Variants in C1QTNF1 observed in about 807,000 individuals in gnomAD.
The protein encoded by C1QTNF1 is C1q and TNF related 1.
C1QTNF1 carries 22 observed loss-of-function variants against 27.8 expected under a neutral mutation model. That is an observed-to-expected ratio of 0.79 (90% CI 0.56 to 1.13). C1QTNF1 has a LOEUF of 1.13. Among genes scored for constraint, C1QTNF1 ranks in the 50% most tolerant of loss-of-function variants. C1QTNF1 has a pLI of 0.00. For synonymous variants in C1QTNF1, 166 were observed against 154.3 expected (o/e 1.08, Z -0.56); for missense variants, 373 against 380.2 (o/e 0.98, Z 0.16).
rs1442987414 is a variant in C1QTNF1 at position 79,048,407 on chromosome 17, G to C, written c.*319G>C. On this transcript the variant is annotated 3_prime_UTR_variant, in exon 4 of 4. Transcript: ENST00000579760. ...AGGGCGTCCCAGGGTGCGGCACCGC[G>C]GCTCCAGTCCTTGGAAATAATTAGG... 1.3e-5 allele frequency: 4 copies of C among 308,358 alleles called. No individual in the cohort carries two copies. Among genetic ancestry groups the C allele is most frequent in the Non-Finnish European group, 2.4e-5 (4 of 168,524 alleles). 19.1% of individuals were successfully genotyped at this position (308,358 alleles called of 1,614,324 possible). A position where few individuals can be genotyped will look rare whatever the true frequency, so the allele number is the denominator to read the frequency against.
intron 1 of C1QTNF1, among the ~76,000 whole-genome samples, chr17:79,031,928 A>G (rs1235867177): frequency 6.6e-6 from 1 of 152,212 alleles, no homozygotes; most frequent in African/African-American, 2.4e-5. Context: ...TGTACCTTGG[A>G]TCTCTGTGTC....
chr17:79,042,194 G>C (rs1568068067), intron 1 of C1QTNF1, among the ~76,000 whole-genome samples: 1 of 152,254 alleles, frequency 6.6e-6, no homozygotes, highest in Non-Finnish European at 1.5e-5. Flanking sequence ...CACAGTCGCT[G>C]TGCCCCTCGG....
rs757609078 is a variant in C1QTNF1, at chr17:79,047,690, G to A, written c.448G>A (p.Val150Met). ...RCKSHYAAFS[V>M]GRKKPMHSNH... ...CAAGAGCCACTACGCCGCCTTTTCGGTGGGCCGGAAGAAGCCCATGCACAG... is the reference window on the plus strand; with the variant it reads ...CAAGAGCCACTACGCCGCCTTTTCGATGGGCCGGAAGAAGCCCATGCACAG... Residue 150 changes from valine (V) to methionine (M), a missense_variant, in exon 4 of 4, where the codon GTG becomes ATG. Val to Met is a conservative substitution (Grantham distance 21, BLOSUM62 1). Transcript: ENST00000579760. The A allele has an allele frequency of 3.1e-6, 5 of 1,614,004 alleles. No homozygotes were observed. Among genetic ancestry groups the A allele is most frequent in the Non-Finnish European group, 4.2e-6 (5 of 1,180,006 alleles).
Position 79,047,920 on chromosome 17 carries a change from C to A in C1QTNF1, c.678C>A (p.Gly226=). Residue 226 remains glycine, a synonymous_variant, in exon 4 of 4, where the codon GGC becomes GGA. Transcript: ENST00000579760. The part of the protein sequence containing the change: ...EEVVILFAQV[G]DRSIMQSQSL... ...TGGTGATCTTGTTCGCGCAGGTGGG[C>A]GACCGCAGCATCATGCAAAGCCAGA... 1.2e-6 allele frequency: 2 copies of A among 1,613,996 alleles called. No individual in the cohort carries two copies. The highest frequency in any genetic ancestry group is 2.2e-5 in the East Asian group (1 of 44,866).
intron 1 of C1QTNF1, among the ~76,000 whole-genome samples, chr17:79,033,937 G>C (rs544360488): frequency 6.6e-6 from 1 of 152,172 alleles, no homozygotes; most frequent in Non-Finnish European, 1.5e-5. Context: ...GTGGGTGATC[G>C]TAGCCAAGCA....
chr17:79,043,045 T>C (rs2072456499), intron 1 of C1QTNF1, among the ~76,000 whole-genome samples: 1 of 151,854 alleles, frequency 6.6e-6, no homozygotes, highest in African/African-American at 2.4e-5. Flanking sequence ...TATGAATGTG[T>C]GTGCATGTGT....
In C1QTNF1 at chr17:79,046,660, C is replaced by A; in HGVS notation, c.261C>A (p.Thr87=). ...CCGGTACCTCCATGTACCCGGCGAC[C>A]GCCGTGCCCCAGATCAACATCACTA... ...CDPGTSMYPA[T]AVPQINITIL... Residue 87 remains threonine (T), a synonymous_variant, in exon 3 of 4, where the codon ACC becomes ACA. Coordinates refer to ENST00000579760, the MANE Select transcript of C1QTNF1 (RefSeq NM_030968.5). This position sits in a 1 kb window ranked among gnomAD's most constrained non-coding sequence, Gnocchi z 4.8. 1 of 1,614,212 alleles carries A rather than the reference C, an allele frequency of 6.2e-7. No individual in the cohort carries two copies. Among genetic ancestry groups the A allele is most frequent in the African/African-American group, 1.3e-5 (1 of 75,066 alleles).
At chr17:79,026,868 C>T (rs1351570216) in intron 1 of C1QTNF1, among the ~76,000 whole-genome samples, 2 of 152,232 alleles carry the variant, frequency 1.3e-5, no homozygotes, top group African/African-American at 4.8e-5. Flanking sequence ...TTCAGGGCAA[C>T]CAGGACAACA....
At chr17:79,033,233 A>T (rs577761160) in intron 1 of C1QTNF1, among the ~76,000 whole-genome samples, 1 of 152,272 alleles carries the variant, frequency 6.6e-6, no homozygotes, top group Non-Finnish European at 1.5e-5. Context: ...TCACGTGAGC[A>T]CTTAAAATGT....
chr17:79,033,500 C>G (rs1342694379), intron 1 of C1QTNF1, among the ~76,000 whole-genome samples: 4 of 151,828 alleles, frequency 2.6e-5, no homozygotes, highest in African/African-American at 9.7e-5. Flanking sequence ...TGCTTGAGAC[C>G]AGCCTGGGAA....
At chr17:79,023,704 G>GCGCGCGCGCGCGCGCGCGCACACA (rs1267428917), upstream of C1QTNF1, among the ~76,000 whole-genome samples, 1 of 144,936 alleles carries the variant, frequency 6.9e-6, no homozygotes, top group Admixed American at 6.8e-5. Flanking sequence ...GCGCGCGCGC[G>GCGCGCGCGCGCGCGCGCGCACACA]CACACACACA....
chr17:79,044,099 C>A lies in C1QTNF1; in HGVS notation c.131C>A (p.Pro44Gln), dbSNP rs200542730. 10 of 1,613,068 alleles carry A rather than the reference C, an allele frequency of 6.2e-6. No homozygotes were observed. The highest frequency in any genetic ancestry group is 1.3e-5 in the African/African-American group (1 of 74,894). The change falls in exon 2 of 4, where the codon CCG (proline) becomes CAG (glutamine). Residue 44 changes from proline to glutamine, a missense_variant. Physicochemically the swap from Pro to Gln is moderately conservative, Grantham distance 76. Transcript: ENST00000579760. The stretch of plus-strand genomic sequence containing the variant: ...GAGTGGGAGGGGACTGAGGAGCTGC[C>A]GTCGCCTCCGGACCATGCCGAGAGG... ...QQEWEGTEEL[P>Q]SPPDHAERAE...
intron 1 of C1QTNF1, among the ~76,000 whole-genome samples, chr17:79,033,837 A>G (rs2072197161): frequency 6.6e-6 from 1 of 152,210 alleles, no homozygotes. Context: ...GCCAAACCCC[A>G]TGGCTGAAGA....
At chr17:79,047,272 G>GAA in intron 3 of C1QTNF1, 1 of 369,950 alleles carries the variant, frequency 2.7e-6, no homozygotes, top group Non-Finnish European at 4.7e-6. Flanking sequence ...TTTCCAGAAG[G>GAA]AAAAAAAAAT....
intron 1 of C1QTNF1, chr17:79,043,413 GTA>G (rs913773003): frequency 8.8e-6 from 4 of 452,692 alleles, no homozygotes; most frequent in African/African-American, 6.0e-5. Context: ...GAGTGTGAGT[GTA>G]TGTGTGTTGA....
intron 1 of C1QTNF1, chr17:79,027,383 CT>C (rs2071997653): frequency 6.6e-6 from 1 of 152,308 alleles, no homozygotes; most frequent in African/African-American, 2.4e-5. Flanking sequence ...CACCTGCCCA[CT>C]TTAGAGAGCA....
intron 1 of C1QTNF1, among the ~76,000 whole-genome samples, chr17:79,038,476 C>T (rs1218978977): frequency 2.0e-5 from 3 of 152,126 alleles, no homozygotes; most frequent in Non-Finnish European, 4.4e-5. Flanking sequence ...AGCGGCTAGT[C>T]CTCAGGGACA....
At chr17:79,042,456 G>A (rs1374177706) in intron 1 of C1QTNF1, among the ~76,000 whole-genome samples, 1 of 152,338 alleles carries the variant, frequency 6.6e-6, no homozygotes, top group African/African-American at 2.4e-5. Context: ...TGAGACGTGG[G>A]GTTGGCTTCC....
At chr17:79,038,282 G>A (rs182361801) in intron 1 of C1QTNF1, among the ~76,000 whole-genome samples, 8 of 152,340 alleles carry the variant, frequency 5.3e-5, no homozygotes, top group African/African-American at 7.2e-5. Flanking sequence ...GAGCCACCGC[G>A]CCCGGCCGGG....
Sources: allele counts gnomAD v4.1 joint callset (sites outside exome capture counted in the v4.1 genomes callset), GRCh38; gene constraint gnomAD v4.1.1; non-coding constraint Gnocchi (gnomAD v3.1); transcripts MANE v1.5; gene names NCBI Gene and HGNC (gene_info 2026-07-23, HGNC 2026-07-21).